The following MAP4K3 variants were observed in gnomAD, a reference collection of about 807,000 sequenced individuals.
MAP4K3 encodes the protein mitogen-activated protein kinase kinase kinase kinase 3, also known as MAPK/ERK kinase kinase kinase 3.
Under a neutral mutation model 143.5 loss-of-function variants are expected in MAP4K3, and 94 were observed. The observed-to-expected ratio is 0.65, with a 90% CI of 0.55 to 0.78. The LOEUF (loss-of-function observed/expected upper bound fraction) is 0.78, where lower values mean the gene tolerates loss of function less well. MAP4K3 is among the 30% of genes least tolerant of loss of function. MAP4K3 has a pLI of 0.00. For missense variants in MAP4K3, 1,077 were observed against 1,068.1 expected (o/e 1.01, Z -0.12); for synonymous variants, 416 against 347.2 (o/e 1.20, Z -2.20).
intron 1 of MAP4K3, among the ~76,000 whole-genome samples, chr2:39,434,850 A>G (rs1665403447): frequency 1.3e-5 from 2 of 152,248 alleles, no homozygotes; most frequent in South Asian, 4.1e-4. Flanking sequence ...CAAGCATTCC[A>G]TAAACATCAG....
intron 1 of MAP4K3, among the ~76,000 whole-genome samples, chr2:39,381,334 T>A (rs916108184): frequency 6.6e-6 from 1 of 152,240 alleles, no homozygotes; most frequent in Non-Finnish European, 1.5e-5. Context: ...CATTTTAAAT[T>A]CTTTTTAAAT....
intron 12 of MAP4K3, 41 bp from the exon 13 acceptor site, chr2:39,315,429 T>C: frequency 1.5e-6 from 2 of 1,361,026 alleles, no homozygotes; most frequent in Non-Finnish European, 2.1e-6. Context: ...CATTTGATAA[T>C]CAAGTCATAG....
intron 22 of MAP4K3, among the ~76,000 whole-genome samples, chr2:39,281,557 G>A (rs1490520605): frequency 6.6e-6 from 1 of 152,018 alleles, no homozygotes; most frequent in African/African-American, 2.4e-5. Flanking sequence ...AAATTTAAAT[G>A]ACAAAACGAA....
chr2:39,398,126 C>A (rs1406514784), intron 1 of MAP4K3, among the ~76,000 whole-genome samples: 2 of 152,132 alleles, frequency 1.3e-5, no homozygotes, highest in Non-Finnish European at 2.9e-5. Context: ...AGCAAACACC[C>A]TTCTAGGAAA....
chr2:39,295,689 G>A lies in MAP4K3; in HGVS notation c.1179-2421C>T, dbSNP rs868734278. Among the ~76,000 whole-genome samples the A allele has an allele frequency of 1.5e-4, 22 of 149,106 alleles. 1 individual carries two copies. The highest frequency in any genetic ancestry group is 2.0e-4 in the Admixed American group (3 of 14,932). On this transcript the variant is annotated intron_variant, in intron 16 of 33. Coordinates refer to ENST00000263881, the MANE Select transcript of MAP4K3 (RefSeq NM_003618.4). ...AATTTAAAATGTACCATATTTAATTGGATTTATATTGCATTCGCATTCCAT... is the reference window on the plus strand; with the variant it reads ...AATTTAAAATGTACCATATTTAATTAGATTTATATTGCATTCGCATTCCAT...
At position 39,254,441 on chromosome 2, in the gene MAP4K3, T is replaced by C; in HGVS notation, c.2541+9A>G. 1 of 1,610,048 alleles carries C rather than the reference T, an allele frequency of 6.2e-7. No homozygotes were observed. The highest frequency in any genetic ancestry group is 8.5e-7 in the Non-Finnish European group (1 of 1,176,524). On this transcript the variant is annotated intron_variant, in intron 32 of 33. Coordinates refer to ENST00000263881, the MANE Select transcript of MAP4K3 (RefSeq NM_003618.4). ...TCTTGTGACTACTTAATGGACATAA[T>C]TTACTTACCTCATTAGATCTAAAAC...
intron 1 of MAP4K3, among the ~76,000 whole-genome samples, chr2:39,418,899 C>G (rs200513093): frequency 6.6e-6 from 1 of 152,074 alleles, no homozygotes; most frequent in East Asian, 1.9e-4. Flanking sequence ...AATCCTGAGA[C>G]AGAAAGAGGC....
chr2:39,376,841 A>G (rs1462643743), intron 2 of MAP4K3, among the ~76,000 whole-genome samples: 1 of 152,250 alleles, frequency 6.6e-6, no homozygotes, highest in Non-Finnish European at 1.5e-5. Flanking sequence ...CCTGCTTTAA[A>G]TGCCAAATTT....
chr2:39,316,657 G>T (rs556637401), intron 12 of MAP4K3, among the ~76,000 whole-genome samples: 4 of 152,218 alleles, frequency 2.6e-5, no homozygotes, highest in African/African-American at 9.6e-5. Flanking sequence ...ATTAAAGTAG[G>T]CAACAGAATG....
At chr2:39,392,695 G>A (rs976115515) in intron 1 of MAP4K3, among the ~76,000 whole-genome samples, 6 of 152,154 alleles carry the variant, frequency 3.9e-5, no homozygotes, top group Admixed American at 3.3e-4. Context: ...GGGGTGATTG[G>A]GTCATAAGGC....
chr2:39,385,536 G>A (rs994554605), intron 1 of MAP4K3, among the ~76,000 whole-genome samples: 27 of 121,852 alleles, frequency 2.2e-4, no homozygotes, highest in African/African-American at 9.2e-4. Flanking sequence ...TTCTTACTGA[G>A]TTATGAGCGT....
intron 3 of MAP4K3, among the ~76,000 whole-genome samples, chr2:39,352,915 G>A (rs1318721148): frequency 7.2e-6 from 1 of 138,866 alleles, no homozygotes; most frequent in Non-Finnish European, 1.6e-5. Flanking sequence ...CAACAACATA[G>A]AAGGAAGAAT....
intron 8 of MAP4K3, among the ~76,000 whole-genome samples, chr2:39,331,346 T>C (rs1683675486): frequency 6.6e-6 from 1 of 152,132 alleles, no homozygotes; most frequent in Non-Finnish European, 1.5e-5. Flanking sequence ...GCGAGTAGGA[T>C]AGTTTTTATA....
chr2:39,355,877 TAA>T (rs1558663202), intron 3 of MAP4K3, among the ~76,000 whole-genome samples: 2 of 151,902 alleles, frequency 1.3e-5, no homozygotes, highest in Admixed American at 6.6e-5. Context: ...AGCACAAAAT[TAA>T]AAAAAAGTTT....
chr2:39,362,177 G>C (rs1318533886), intron 2 of MAP4K3, among the ~76,000 whole-genome samples: 1 of 152,032 alleles, frequency 6.6e-6, no homozygotes, highest in African/African-American at 2.4e-5. Context: ...ATTTAGAATT[G>C]ATACATCTGG....
At chr2:39,433,722 G>A (rs888069795) in intron 1 of MAP4K3, among the ~76,000 whole-genome samples, 2 of 152,178 alleles carry the variant, frequency 1.3e-5, no homozygotes, top group African/African-American at 4.8e-5. Flanking sequence ...TCAGTTGCCA[G>A]CTCCTAGGTC....
chr2:39,273,314 C>T (rs1020923481), intron 24 of MAP4K3, among the ~76,000 whole-genome samples: 1 of 152,138 alleles, frequency 6.6e-6, no homozygotes, highest in African/African-American at 2.4e-5. Context: ...TTGGACCTCA[C>T]CCCAGATCTA....
intron 1 of MAP4K3, among the ~76,000 whole-genome samples, chr2:39,395,123 AG>A (rs1470010487): frequency 7.9e-5 from 12 of 152,220 alleles, no homozygotes; most frequent in Admixed American, 7.9e-4. Context: ...ATTAAAAAAA[AG>A]AGATGAATGC....
intron 8 of MAP4K3, among the ~76,000 whole-genome samples, chr2:39,327,274 C>T (rs1209020066): frequency 6.6e-6 from 1 of 152,094 alleles, no homozygotes; most frequent in South Asian, 2.1e-4. Context: ...TTACTAAAAA[C>T]TTATTTGGCA....
Sources: gnomAD v4.1 joint callset for allele counts (sites outside exome capture counted in the v4.1 genomes callset) on GRCh38, gnomAD v4.1.1 for gene constraint, MANE v1.5 for transcripts, NCBI Gene and HGNC (gene_info 2026-07-23, HGNC 2026-07-21) for gene names.